NELL1: variants seen among roughly 807,000 people sequenced by gnomAD.
NELL1 encodes neural EGFL like 1.
Under a neutral mutation model 107.4 loss-of-function variants are expected in NELL1, and 76 were observed. That is an observed-to-expected ratio of 0.71 (90% confidence interval 0.59 to 0.86). The LOEUF (loss-of-function observed/expected upper bound fraction) is 0.86. Ranked by LOEUF, NELL1 falls within the 40% of genes least tolerant of loss-of-function variation. The pLI is 0.00. For synonymous variants in NELL1, 353 were observed against 341.2 expected (o/e 1.03, Z -0.38); for missense variants, 1,024 against 1,005.5 (o/e 1.02, Z -0.25).
Position 21,432,842 on chromosome 11 carries a change from C to T in NELL1, c.1645+61894C>T, listed in dbSNP as rs186870052. Among the ~76,000 whole-genome samples, 6 of 152,216 alleles carry T rather than the reference C, an allele frequency of 3.9e-5. No individual in the cohort carries two copies. The East Asian group carries it at 9.6e-4, about 24-fold the overall frequency. ...TAATTAGCATATCCATGATTTCAAA[C>T]ATTAATCATTTGTGTTGTGAACATT... On this transcript the variant is annotated intron_variant, in intron 15 of 19. Coordinates refer to ENST00000357134, the MANE Select transcript of NELL1 (RefSeq NM_006157.5).
At chr11:21,255,630 C>T (rs192282523) in intron 14 of NELL1, among the ~76,000 whole-genome samples, 1 of 152,204 alleles carries the variant, frequency 6.6e-6, no homozygotes, top group Non-Finnish European at 1.5e-5. Flanking sequence ...TGTGTCTCCT[C>T]TTCCTTTCCA....
Position 21,513,296 on chromosome 11 carries a change from CT to C in NELL1, c.1646-21076del, listed in dbSNP as rs141089355. On this transcript the variant is annotated intron_variant, in intron 15 of 19. Transcript: ENST00000357134. Reference sequence around the variant, plus strand: ...GAAGAAAAGCCAAATGCAAACTGTTCTTCTCTTATAAGTGTGTTTATTTTTT... The same window carrying C: ...GAAGAAAAGCCAAATGCAAACTGTTCTCTCTTATAAGTGTGTTTATTTTTT... Among the ~76,000 whole-genome samples the C allele has an allele frequency of 5.0e-3, 754 of 152,206 alleles. 4 individuals are homozygous for C. Among genetic ancestry groups the C allele is most frequent in the African/African-American group, 0.018 (727 of 41,524 alleles).
Position 20,783,823 on chromosome 11 carries a change from G to A in NELL1, c.328G>A (p.Glu110Lys), listed in dbSNP as rs1014647321. The A allele has an allele frequency of 4.3e-6, 7 of 1,610,582 alleles. No homozygotes were observed. The highest frequency in any genetic ancestry group is 2.2e-5 in the East Asian group (1 of 44,794). The change falls in exon 3 of 20, where the codon GAG (glutamate) becomes AAG (lysine). Residue 110 changes from glutamate (E) to lysine (K), a missense_variant. Physicochemically the swap from Glu to Lys is moderately conservative, Grantham distance 56 (BLOSUM62 1). Coordinates refer to ENST00000357134, the MANE Select transcript of NELL1 (RefSeq NM_006157.5). ...AGTGATACTGTCCATTCGAGAACTG[G>A]AGCACAGGTAAGAAAGCTCTTTCTG... ...SGVILSIREL[E>K]HSYFELESSG... is the part of the protein sequence containing the mutation.
At chr11:21,139,082 G>A (rs1215039419) in intron 13 of NELL1, among the ~76,000 whole-genome samples, 6 of 152,200 alleles carry the variant, frequency 3.9e-5, no homozygotes, top group East Asian at 1.9e-4. Flanking sequence ...TCTAGGTAAT[G>A]CAGAGATGGC....
intron 14 of NELL1, among the ~76,000 whole-genome samples, chr11:21,278,435 A>T (rs1021827108): frequency 1.3e-5 from 2 of 152,204 alleles, no homozygotes; most frequent in African/African-American, 4.8e-5. Flanking sequence ...GTAAGTGACT[A>T]TAGCATAGTG....
chr11:21,005,507 G>T (rs1455458214), intron 12 of NELL1, among the ~76,000 whole-genome samples: 1 of 152,150 alleles, frequency 6.6e-6, no homozygotes, highest in South Asian at 2.1e-4. Flanking sequence ...CAGCACAGGG[G>T]TGCTGCTGCT....
chr11:21,377,398 T>C (rs564488495), intron 15 of NELL1, among the ~76,000 whole-genome samples: 2 of 152,110 alleles, frequency 1.3e-5, no homozygotes, highest in Admixed American at 6.6e-5. Flanking sequence ...ATGAAGCTTA[T>C]CTCATCATGG....
At chr11:20,872,807 T>A (rs561539092) in intron 4 of NELL1, among the ~76,000 whole-genome samples, 1 of 152,034 alleles carries the variant, frequency 6.6e-6, no homozygotes, top group East Asian at 1.9e-4. Context: ...TTTGTATGGG[T>A]TGTTTGGGAA....
intron 16 of NELL1, among the ~76,000 whole-genome samples, chr11:21,547,478 G>T (rs575658592): frequency 4.6e-5 from 7 of 152,014 alleles, no homozygotes; most frequent in African/African-American, 1.7e-4. Flanking sequence ...AAGCTGAGGA[G>T]TTGCAAGTTT....
At chr11:20,783,590 C>T in intron 2 of NELL1, 90 bp from the exon 3 acceptor site, 4 of 846,116 alleles carry the variant, frequency 4.7e-6, no homozygotes, top group South Asian at 4.4e-5. Context: ...TCTCATCTCC[C>T]CTCTCCTCTT....
chr11:21,510,337 G>A (rs777461780), intron 15 of NELL1, among the ~76,000 whole-genome samples: 2 of 152,182 alleles, frequency 1.3e-5, no homozygotes, highest in Non-Finnish European at 2.9e-5. Context: ...ATTTAGAAGT[G>A]CTCTGTGGAA....
At chr11:20,922,133 G>T (rs543869922) in intron 7 of NELL1, among the ~76,000 whole-genome samples, 1 of 152,120 alleles carries the variant, frequency 6.6e-6, no homozygotes, top group African/African-American at 2.4e-5. Context: ...TTATATAGGG[G>T]TTTGCTTTAA....
chr11:20,744,492 C>T (rs867530202), intron 2 of NELL1, among the ~76,000 whole-genome samples: 6 of 152,180 alleles, frequency 3.9e-5, no homozygotes, highest in Non-Finnish European at 5.9e-5. Flanking sequence ...TGCAAGTTGA[C>T]GGAATCAGCT....
At chr11:21,483,579 A>T (rs1220252663) in intron 15 of NELL1, among the ~76,000 whole-genome samples, 1 of 152,102 alleles carries the variant, frequency 6.6e-6, no homozygotes, top group Non-Finnish European at 1.5e-5. Flanking sequence ...ACAGTTTTGC[A>T]ATATGTATCA....
chr11:21,339,336 C>T (rs1240148424), intron 14 of NELL1, among the ~76,000 whole-genome samples: 1 of 152,146 alleles, frequency 6.6e-6, no homozygotes. Flanking sequence ...GGCTTACCAC[C>T]ACTAGAAGCT....
At chr11:20,999,014 C>T (rs1400366) in intron 12 of NELL1, among the ~76,000 whole-genome samples, 39,409 of 152,056 alleles carry the variant, frequency 0.26, 7,609 homozygotes, top group African/African-American at 0.55. Flanking sequence ...AGTTCTATCA[C>T]ACATTTGGCT....
At chr11:21,539,015 C>T (rs1856219366) in intron 16 of NELL1, among the ~76,000 whole-genome samples, 1 of 152,030 alleles carries the variant, frequency 6.6e-6, no homozygotes, top group Non-Finnish European at 1.5e-5. Context: ...CCCCATAGCC[C>T]CATTTCCATT....
chr11:21,190,818 G>T (rs764300344), intron 13 of NELL1, among the ~76,000 whole-genome samples: 1 of 151,920 alleles, frequency 6.6e-6, no homozygotes, highest in African/African-American at 2.4e-5. Flanking sequence ...GCTGGAGAAA[G>T]AGATTATAGC....
intron 3 of NELL1, among the ~76,000 whole-genome samples, chr11:20,798,012 GAGAC>G (rs1363183699): frequency 6.6e-6 from 1 of 152,206 alleles, no homozygotes; most frequent in East Asian, 1.9e-4. Flanking sequence ...CAAATGCTAG[GAGAC>G]AAGACATCTG....
Sources: gnomAD v4.1 joint callset for allele counts (sites outside exome capture counted in the v4.1 genomes callset) on GRCh38, gnomAD v4.1.1 for gene constraint, MANE v1.5 for transcripts, NCBI Gene and HGNC (gene_info 2026-07-23, HGNC 2026-07-21) for gene names.